The following PRKDC variants were observed in gnomAD, a reference collection of about 807,000 sequenced individuals.
PRKDC encodes the protein protein kinase, DNA-activated, catalytic subunit.
A neutral mutation model predicts 486.9 loss-of-function variants in PRKDC; 82 were observed. The observed-to-expected ratio is 0.17, with a 90% CI of 0.14 to 0.20. The LOEUF (loss-of-function observed/expected upper bound fraction) is 0.20. PRKDC is among the 10% of genes least tolerant of loss of function. The pLI is 1.00. For missense variants in PRKDC, 4,504 were observed against 5,038.2 expected (o/e 0.89, Z 3.21); for synonymous variants, 1,895 against 1,837.0 (o/e 1.03, Z -0.81).
Position 47,837,359 on chromosome 8 carries a change from C to T in PRKDC, c.7614G>A (p.Arg2538=). 1 of 1,613,090 alleles carries T rather than the reference C, an allele frequency of 6.2e-7. No individual in the cohort carries two copies. The change falls in exon 57 of 86, where the codon CGG becomes CGA. Residue 2538 remains arginine, a synonymous_variant. Coordinates refer to ENST00000314191, the MANE Select transcript of PRKDC (RefSeq NM_006904.7). ...ETRLPSNTLD[R]LLALNSLYSP... The stretch of plus-strand genomic sequence containing the variant: ...AATATAAGGAATTTAGTGCCAGCAA[C>T]CGGTCCAAGGTATTTGAAGGTAACC...
At chr8:47,893,823 C>A (rs74915527) in intron 30 of PRKDC, among the ~76,000 whole-genome samples, 1 of 151,934 alleles carries the variant, frequency 6.6e-6, no homozygotes. Flanking sequence ...TCGAATGAGC[C>A]GTTTTTTCCA....
intron 80 of PRKDC, among the ~76,000 whole-genome samples, chr8:47,779,912 CTTTTTTTTT>C (rs925534980): frequency 1.0e-4 from 11 of 107,058 alleles, no homozygotes; most frequent in East Asian, 8.1e-4. Flanking sequence ...TTTGTTTTGT[CTTTTTTTTT>C]TTTTTTTTTT....
At chr8:47,918,510 A>C (rs1314881232) in intron 21 of PRKDC, 127 bp from the exon 22 acceptor site, 1 of 599,002 alleles carries the variant, frequency 1.7e-6, no homozygotes, top group African/African-American at 1.9e-5. Context: ...AAAAAAATTA[A>C]GTTTCTAAAA....
intron 64 of PRKDC, 97 bp downstream of exon 64, chr8:47,823,761 C>T (rs1183095512): frequency 1.7e-5 from 24 of 1,408,024 alleles, no homozygotes; most frequent in Non-Finnish European, 9.8e-6. Context: ...ATTGAACCAA[C>T]AAGGATCTGC....
intron 85 of PRKDC, among the ~76,000 whole-genome samples, chr8:47,774,653 G>GT (rs2086572832): frequency 6.6e-6 from 1 of 152,084 alleles, no homozygotes; most frequent in Non-Finnish European, 1.5e-5. Context: ...GTAACTCTAT[G>GT]TTTAACTTTG....
rs186115112 is a variant in PRKDC, at chr8:47,939,707, C to A, written c.967-10G>T. 992 of 1,562,170 alleles carry A rather than the reference C, an allele frequency of 6.4e-4. 4 individuals are homozygous for A. In the African/African-American group the frequency reaches 0.012, roughly 19 times the overall value. ...CCACCATATTAGAAACCTGCAAATA[C>A]ATAATATTTATTTTTTTGGAAATAT... On this transcript the variant is annotated splice_polypyrimidine_tract_variant and intron_variant, in intron 10 of 85. Transcript: ENST00000314191.
chr8:47,829,479 T>C (rs953096196), intron 61 of PRKDC, among the ~76,000 whole-genome samples: 6 of 152,176 alleles, frequency 3.9e-5, no homozygotes, highest in Non-Finnish European at 5.9e-5. Flanking sequence ...TACTTAATAT[T>C]TAAAAAATAA....
intron 26 of PRKDC, among the ~76,000 whole-genome samples, chr8:47,903,623 CCTCCTTCA>C (rs1355326250): frequency 1.3e-5 from 2 of 152,102 alleles, no homozygotes; most frequent in Non-Finnish European, 2.9e-5. Flanking sequence ...AACCCACGGC[CCTCCTTCA>C]CTTGAGTGCC....
intron 70 of PRKDC, among the ~76,000 whole-genome samples, chr8:47,802,482 T>A (rs2087128176): frequency 2.7e-5 from 4 of 149,210 alleles, no homozygotes; most frequent in Admixed American, 2.0e-4. Flanking sequence ...GAAATGGCTT[T>A]TTTTTTTTTT....
chr8:47,775,213 A>AATT (rs1554623254), intron 85 of PRKDC, among the ~76,000 whole-genome samples: 252 of 146,720 alleles, frequency 1.7e-3, no homozygotes, highest in African/African-American at 6.3e-3. Flanking sequence ...ATAAATAAAT[A>AATT]AATTAATTAA....
intron 66 of PRKDC, among the ~76,000 whole-genome samples, 195 bp from the exon 67 acceptor site, chr8:47,819,705 T>C (rs1033220717): frequency 2.0e-5 from 3 of 152,026 alleles, no homozygotes; most frequent in Non-Finnish European, 4.4e-5. Context: ...AAATTTAAGG[T>C]TTCAATAACA....
chr8:47,926,781 A>G (rs186329695), intron 21 of PRKDC: 1 of 153,222 alleles, frequency 6.5e-6, no homozygotes, highest in Admixed American at 6.5e-5. Flanking sequence ...GTGCTTCACC[A>G]GTTATGTTTT....
At chr8:47,827,396 A>G (rs529195305) in intron 62 of PRKDC, among the ~76,000 whole-genome samples, 2 of 152,224 alleles carry the variant, frequency 1.3e-5, no homozygotes, top group South Asian at 4.1e-4. Flanking sequence ...AATCAAAAAG[A>G]TTTTCTACTA....
chr8:47,865,476 C>T (rs765146745), intron 40 of PRKDC, among the ~76,000 whole-genome samples: 7 of 152,020 alleles, frequency 4.6e-5, no homozygotes, highest in Non-Finnish European at 1.0e-4. Context: ...AGAAATATAC[C>T]TGTCTATCTG....
Position 47,849,360 on chromosome 8 carries a change from A to G in PRKDC, c.7130+19T>C. ...CCGAGGACCCTCCTGCCCCGAAAGG[A>G]TCCCTGGACAGCCCATACCTGTCTG... On this transcript the variant is annotated intron_variant, in intron 53 of 85. Transcript: ENST00000314191. The G allele has an allele frequency of 1.2e-6, 2 of 1,613,954 alleles. No individual in the cohort carries two copies. Among genetic ancestry groups the G allele is most frequent in the Non-Finnish European group, 1.7e-6 (2 of 1,179,870 alleles).
At chr8:47,928,732 G>A (rs2090198976) in intron 19 of PRKDC, among the ~76,000 whole-genome samples, 1 of 151,768 alleles carries the variant, frequency 6.6e-6, no homozygotes, top group African/African-American at 2.4e-5. Flanking sequence ...CACCCAGCCT[G>A]GAGTACAGTA....
In PRKDC at chr8:47,852,768, C is replaced by T. The variant is rs1442300650; in HGVS notation, c.6910G>A (p.Val2304Met). ...IQSSEYFQAL[V>M]NNMSFVRYKE... ...TATCTTACAAAGGACATATTATTCA[C>T]CAAAGCCTGGAAGTATCTACAATAA... Residue 2304 changes from valine (V) to methionine (M), a missense_variant, in exon 52 of 86, where the codon GTG (valine) becomes ATG (methionine). Coordinates refer to ENST00000314191, the MANE Select transcript of PRKDC (RefSeq NM_006904.7). The T allele has an allele frequency of 6.4e-6, 10 of 1,568,024 alleles. No homozygotes were observed. In the Admixed American group the frequency reaches 1.9e-4, roughly 29 times the overall value.
At position 47,957,335 on chromosome 8, in the gene PRKDC, A is replaced by T. The variant is rs2090720996; in HGVS notation, c.231+20T>A. ...CTCCAGGAATATACAAGAAAAGCAAAACCAAAATTGTCAACTTACTTCAAT... is the reference window on the plus strand; with the variant it reads ...CTCCAGGAATATACAAGAAAAGCAATACCAAAATTGTCAACTTACTTCAAT... On this transcript the variant is annotated intron_variant, in intron 2 of 85. Transcript: ENST00000314191. 1.0e-5 allele frequency: 16 copies of T among 1,595,516 alleles called. No homozygotes were observed. The highest frequency in any genetic ancestry group is 1.8e-5 in the Admixed American group (1 of 56,890).
Position 47,904,972 on chromosome 8 carries a change from G to A in PRKDC, c.2939C>T (p.Thr980Ile). Residue 980 changes from threonine (T) to isoleucine (I), a missense_variant, in exon 26 of 86, where the codon ACA (threonine) becomes ATA (isoleucine). Physicochemically the swap from Thr to Ile is moderately conservative, Grantham distance 89 (BLOSUM62 -1). This residue lies in a region of PRKDC where 1,969 missense variants were observed against 2,068.9 expected (regional missense o/e 0.95). Transcript: ENST00000314191. ...LRLACDVDQV[T>I]RQLYEPLVMQ... ...AACTAGTGGCTCATACAGTTGCCTT[G>A]TCACCTGAAGAAACAATACCATTAA... The A allele has an allele frequency of 6.2e-7, 1 of 1,605,840 alleles. No individual in the cohort carries two copies. The highest frequency in any genetic ancestry group is 1.1e-5 in the South Asian group (1 of 90,630).
Sources: gnomAD v4.1 joint callset for allele counts (sites outside exome capture counted in the v4.1 genomes callset) on GRCh38, gnomAD v4.1.1 for gene constraint, gnomAD v4.1.1 regional missense constraint, MANE v1.5 for transcripts, NCBI Gene and HGNC (gene_info 2026-07-23, HGNC 2026-07-21) for gene names.